Variants in IQCH observed in about 807,000 individuals in gnomAD.
The protein encoded by IQCH is IQ domain-containing protein H.
In IQCH, 98 loss-of-function variants were observed where a neutral mutation model predicts 117.0. The observed-to-expected ratio is 0.84, with a 90% confidence interval of 0.71 to 0.99. The LOEUF (loss-of-function observed/expected upper bound fraction) is 0.99, where lower values mean the gene tolerates loss of function less well. Among genes scored for constraint, IQCH ranks in the 50% least tolerant of loss-of-function variants. The pLI is 0.00. For missense variants in IQCH, 1,102 were observed against 1,243.8 expected, an observed-to-expected ratio of 0.89 and a Z score of 1.72; for synonymous variants, 412 against 448.2, an observed-to-expected ratio of 0.92 and a Z score of 1.02.
rs111237250 is a variant in IQCH, at chr15:67,437,914, C to G, written c.2505+16337C>G. 8.9e-3 allele frequency among the ~76,000 whole-genome samples: 1,359 copies of G among 152,022 alleles called. 29 individuals carry two copies. Among genetic ancestry groups the G allele is most frequent in the African/African-American group, 0.031 (1,300 of 41,482 alleles). ...TCTGGGATTATGTTAAATGACCAAA[C>G]CGGAGAATAATCAGTGTTACTGAGG... On this transcript the variant is annotated intron_variant, in intron 16 of 20. Transcript: ENST00000335894.
intron 8 of IQCH, 46 bp from the exon 9 acceptor site, chr15:67,372,065 A>T: frequency 6.7e-7 from 1 of 1,486,722 alleles, no homozygotes; most frequent in Non-Finnish European, 9.1e-7. Context: ...TTTAAAGGAG[A>T]TCATAATATC....
At position 67,401,230 on chromosome 15, in the gene IQCH, A is replaced by C. The variant is rs1971647025; in HGVS notation, c.2097+925A>C. Among the ~76,000 whole-genome samples, 1 of 152,222 alleles carries C rather than the reference A, an allele frequency of 6.6e-6. No homozygotes were observed. The highest frequency in any genetic ancestry group is 6.5e-5 in the Admixed American group (1 of 15,276). On this transcript the variant is annotated intron_variant, in intron 14 of 20. Coordinates refer to ENST00000335894, the MANE Select transcript of IQCH (RefSeq NM_001031715.3). This position sits in a 1 kb window ranked among gnomAD's most constrained non-coding sequence, Gnocchi z 4.7. ...TCCATGCACATTTGTGAAGGGATGA[A>C]TCGTACAACCTTTTAGTCCCTTCCA...
intron 4 of IQCH, among the ~76,000 whole-genome samples, chr15:67,327,948 C>T (rs1162865274): frequency 6.6e-6 from 1 of 152,176 alleles, no homozygotes; most frequent in Non-Finnish European, 1.5e-5. Context: ...ACTTTCAAGC[C>T]AGTAAGACTG....
rs2082668946 is a variant in IQCH, at chr15:67,456,869, T to TCCAAACA, written c.2506-8255_2506-8249dup. Among the ~76,000 whole-genome samples, 1 of 152,028 alleles carries TCCAAACA rather than the reference T, an allele frequency of 6.6e-6. No individual in the cohort carries two copies. The highest frequency in any genetic ancestry group is 2.4e-5 in the African/African-American group (1 of 41,394). ...GTTTGCAGCCTCTTACCCCACCCAC[T>TCCAAACA]CCAAACACCCCATAGAAGGCAGTGT... On this transcript the variant is annotated intron_variant, in intron 16 of 20. Coordinates refer to ENST00000335894, the MANE Select transcript of IQCH (RefSeq NM_001031715.3). The surrounding 1 kb of genome is among the most constrained non-coding windows in gnomAD (Gnocchi z 5.1).
In IQCH at chr15:67,395,539, A is replaced by G. The variant is rs769447996; in HGVS notation, c.1881A>G (p.Ile627Met). The G allele has an allele frequency of 1.1e-5, 18 of 1,613,988 alleles. No individual in the cohort carries two copies. The highest frequency in any genetic ancestry group is 1.4e-5 in the Non-Finnish European group (17 of 1,179,936). The change falls in exon 13 of 21, where the codon ATA becomes ATG. Residue 627 changes from isoleucine (I) to methionine (M), a missense_variant. Ile to Met is a conservative substitution (Grantham distance 10). Transcript: ENST00000335894. The surrounding 1 kb of genome is among the most constrained non-coding windows in gnomAD (Gnocchi z 4.0). Reference sequence around the variant, plus strand: ...CCAATGTGGCAGTTCCTCCTGGAATATATGATATTTATAGTCAGCAACAGG... The same window carrying G: ...CCAATGTGGCAGTTCCTCCTGGAATGTATGATATTTATAGTCAGCAACAGG... ...DSANVAVPPG[I>M]YDIYSQQQMI... is the part of the protein sequence containing the mutation.
chr15:67,442,239 C>T lies in IQCH; in HGVS notation c.2505+20662C>T, dbSNP rs192154867. On this transcript the variant is annotated intron_variant, in intron 16 of 20. Coordinates refer to ENST00000335894, the MANE Select transcript of IQCH (RefSeq NM_001031715.3). ...CAGCCTGACCGACATGGAGAAACCC[C>T]ATGTCTACTAAATATACACAATTAG... 2.0e-5 allele frequency among the ~76,000 whole-genome samples: 3 copies of T among 151,598 alleles called. No individual in the cohort carries two copies. In the East Asian group the frequency reaches 5.8e-4, roughly 29 times the overall value.
At chr15:67,355,470 G>T (rs1288565817) in intron 6 of IQCH, among the ~76,000 whole-genome samples, 1 of 152,032 alleles carries the variant, frequency 6.6e-6, no homozygotes, top group African/African-American at 2.4e-5. Context: ...GGCACCTGTA[G>T]TCTCAGCTAT....
Position 67,359,932 on chromosome 15 carries a change from T to C in IQCH, c.753+47T>C. 6.8e-7 allele frequency: 1 copy of C among 1,479,484 alleles called. No individual in the cohort carries two copies. The highest frequency in any genetic ancestry group is 9.5e-7 in the Non-Finnish European group (1 of 1,057,282). 91.6% of individuals were successfully genotyped at this position (1,479,484 alleles called of 1,614,324 possible). ...TTGAAATTTAGGGTCTGTCACCTGA[T>C]GTCCCTTCCTTTTGCTGCAGGGCAA... On this transcript the variant is annotated intron_variant, in intron 8 of 20. Coordinates refer to ENST00000335894, the MANE Select transcript of IQCH (RefSeq NM_001031715.3). This position sits in a 1 kb window ranked among gnomAD's most constrained non-coding sequence, Gnocchi z 4.5.
At chr15:67,410,022 A>AAG (rs965583711) in intron 14 of IQCH, among the ~76,000 whole-genome samples, 1 of 152,160 alleles carries the variant, frequency 6.6e-6, no homozygotes, top group Non-Finnish European at 1.5e-5. Context: ...TTGCACTCTA[A>AAG]AGAGGGACTA....
At chr15:67,260,929 CTACTAAAAA>C (rs1965429735) in intron 1 of IQCH, among the ~76,000 whole-genome samples, 1 of 151,948 alleles carries the variant, frequency 6.6e-6, no homozygotes, top group Admixed American at 6.6e-5. Flanking sequence ...AAGCCCGTCT[CTACTAAAAA>C]TACAAAAATT....
intron 18 of IQCH, among the ~76,000 whole-genome samples, chr15:67,489,032 T>C (rs1004124416): frequency 2.6e-5 from 4 of 151,416 alleles, no homozygotes; most frequent in African/African-American, 7.3e-5. Flanking sequence ...TATATACATA[T>C]ATAATTTTTT....
At chr15:67,498,490 C>T (rs749749975) in intron 20 of IQCH, among the ~76,000 whole-genome samples, 1 of 151,946 alleles carries the variant, frequency 6.6e-6, no homozygotes, top group Non-Finnish European at 1.5e-5. Flanking sequence ...GTGGCATGCA[C>T]CTGTAATCCC....
At position 67,457,706 on chromosome 15, in the gene IQCH, G is replaced by A. The variant is rs1221413775; in HGVS notation, c.2506-7421G>A. On this transcript the variant is annotated intron_variant, in intron 16 of 20. Coordinates refer to ENST00000335894, the MANE Select transcript of IQCH (RefSeq NM_001031715.3). This position sits in a 1 kb window ranked among gnomAD's most constrained non-coding sequence, Gnocchi z 5.7. ...GCCTATATTAATAGACAAGGAAATA[G>A]GCCCAGAGAGGGGAAAGAAGTTGCT... is the stretch of plus-strand genomic sequence containing the variant. 6.6e-6 allele frequency among the ~76,000 whole-genome samples: 1 copy of A among 152,148 alleles called. No individual in the cohort carries two copies. Among genetic ancestry groups the A allele is most frequent in the Non-Finnish European group, 1.5e-5 (1 of 68,030 alleles).
chr15:67,386,899 G>A lies in IQCH; in HGVS notation c.1456+1880G>A, dbSNP rs1377751555. 6.6e-6 allele frequency among the ~76,000 whole-genome samples: 1 copy of A among 152,098 alleles called. No individual in the cohort carries two copies. Among genetic ancestry groups the A allele is most frequent in the African/African-American group, 2.4e-5 (1 of 41,410 alleles). On this transcript the variant is annotated intron_variant, in intron 11 of 20. Coordinates refer to ENST00000335894, the MANE Select transcript of IQCH (RefSeq NM_001031715.3). The surrounding 1 kb of genome is among the most constrained non-coding windows in gnomAD (Gnocchi z 5.0). ...GTTAGTGATACGTATTCCTTTGCCA[G>A]AAATTAACAGGAAAGGTGAAATTGG...
chr15:67,272,427 T>C (rs945219627), intron 3 of IQCH, among the ~76,000 whole-genome samples: 2 of 152,186 alleles, frequency 1.3e-5, no homozygotes, highest in African/African-American at 4.8e-5. Context: ...GTCCTTTAAA[T>C]GTCAGTTAGA....
rs1253733314 is a variant in IQCH, at chr15:67,443,155, GC to G, written c.2505+21579del. 6.6e-6 allele frequency among the ~76,000 whole-genome samples: 1 copy of G among 152,092 alleles called. No individual in the cohort carries two copies. Among genetic ancestry groups the G allele is most frequent in the Non-Finnish European group, 1.5e-5 (1 of 68,018 alleles). The stretch of plus-strand genomic sequence containing the variant: ...CTACAGGCGCCCGCCACAGCGCCCG[GC>G]TAATTTTTTGTATTTTTAGTAGAGA... On this transcript the variant is annotated intron_variant, in intron 16 of 20. Transcript: ENST00000335894. The surrounding 1 kb of genome is among the most constrained non-coding windows in gnomAD (Gnocchi z 5.0).
chr15:67,283,631 A>C (rs140500690), intron 4 of IQCH, among the ~76,000 whole-genome samples: 22 of 152,190 alleles, frequency 1.4e-4, no homozygotes, highest in African/African-American at 4.8e-4. Context: ...AATATCTTTG[A>C]TAGCTCATGC....
At chr15:67,468,137 A>T (rs1475201329) in intron 17 of IQCH, among the ~76,000 whole-genome samples, 1 of 152,204 alleles carries the variant, frequency 6.6e-6, no homozygotes, top group Non-Finnish European at 1.5e-5. Context: ...GTTCTGTCCA[A>T]ACCGGCATCA....
At position 67,356,866 on chromosome 15, in the gene IQCH, A is replaced by G. The variant is rs1969907395; in HGVS notation, c.638-479A>G. Among the ~76,000 whole-genome samples the G allele has an allele frequency of 6.6e-6, 1 of 152,138 alleles. No individual in the cohort carries two copies. The highest frequency in any genetic ancestry group is 1.5e-5 in the Non-Finnish European group (1 of 68,026). On this transcript the variant is annotated intron_variant, in intron 6 of 20. Coordinates refer to ENST00000335894, the MANE Select transcript of IQCH (RefSeq NM_001031715.3). The surrounding 1 kb of genome is among the most constrained non-coding windows in gnomAD (Gnocchi z 5.3). ...ATAGACTTAACTAATTTCAAAAATA[A>G]TCTTTATGGTGCTTTTCACTTGTGT... is the stretch of plus-strand genomic sequence containing the variant.
Sources: allele counts gnomAD v4.1 joint callset (sites outside exome capture counted in the v4.1 genomes callset), GRCh38; gene constraint gnomAD v4.1.1; non-coding constraint Gnocchi (gnomAD v3.1); transcripts MANE v1.5; gene names NCBI Gene and HGNC (gene_info 2026-07-23, HGNC 2026-07-21).